SH2B3: variants seen among roughly 807,000 people sequenced by gnomAD.
SH2B3 encodes SH2B adaptor protein 3.
In SH2B3, 43 loss-of-function variants were observed where a neutral mutation model predicts 51.9. That is an observed-to-expected ratio of 0.83 (90% CI 0.65 to 1.07). SH2B3 has a LOEUF of 1.07. SH2B3 is among the 50% of genes least tolerant of loss of function. SH2B3 has a pLI of 0.00. For synonymous variants in SH2B3, 396 were observed against 376.0 expected (o/e 1.05, Z -0.62); for missense variants, 952 against 834.3 (o/e 1.14, Z -1.74).
intron 1 of SH2B3, among the ~76,000 whole-genome samples, chr12:111,415,717 G>A (rs1871033823): frequency 6.6e-6 from 1 of 150,450 alleles, no homozygotes; most frequent in African/African-American, 2.5e-5. Flanking sequence ...TGCCTCCCAG[G>A]TTCAAGTGAT....
chr12:111,410,009 G>A lies in SH2B3; in HGVS notation c.-28+3732G>A, dbSNP rs1201696728. On this transcript the variant is annotated intron_variant, in intron 1 of 7. Transcript: ENST00000341259. This position sits in a 1 kb window ranked among gnomAD's most constrained non-coding sequence, Gnocchi z 4.9. ...AGGGCCGGGCCACAGGCTTCCTTGT[G>A]AGCCAGGCCTGGAGCCCCTGGGGGC... Among the ~76,000 whole-genome samples the A allele has an allele frequency of 6.6e-6, 1 of 152,322 alleles. No individual in the cohort carries two copies. The highest frequency in any genetic ancestry group is 2.1e-4 in the South Asian group (1 of 4,828).
At chr12:111,405,260 A>G (rs115433678), upstream of SH2B3, among the ~76,000 whole-genome samples, 5,703 of 152,266 alleles carry the variant, frequency 0.037, 361 homozygotes, top group African/African-American at 0.13. This position sits in a 1 kb window ranked among gnomAD's most constrained non-coding sequence, Gnocchi z 5.4. Context: ...AGGCTGGGCT[A>G]TACGGGCACC....
At chr12:111,433,224 A>G (rs1872619009) in intron 2 of SH2B3, among the ~76,000 whole-genome samples, 1 of 152,064 alleles carries the variant, frequency 6.6e-6, no homozygotes, top group Non-Finnish European at 1.5e-5. Context: ...GGTGGTGGAT[A>G]CCTTTAATCC....
chr12:111,413,702 A>G (rs922805218), intron 1 of SH2B3, among the ~76,000 whole-genome samples: 1 of 152,264 alleles, frequency 6.6e-6, no homozygotes, highest in Non-Finnish European at 1.5e-5. Flanking sequence ...TGCAAATCCA[A>G]CTGATCTCTT....
At chr12:111,422,456 T>C (rs1312380341) in intron 2 of SH2B3, among the ~76,000 whole-genome samples, 11 of 152,224 alleles carry the variant, frequency 7.2e-5, no homozygotes, top group Non-Finnish European at 4.4e-5. Flanking sequence ...CTGTCTAGCC[T>C]TTTTTAAATT....
chr12:111,421,790 A>G (rs1275534127), intron 2 of SH2B3, among the ~76,000 whole-genome samples: 1 of 152,118 alleles, frequency 6.6e-6, no homozygotes, highest in Non-Finnish European at 1.5e-5. Flanking sequence ...GGTTTATCCC[A>G]TCCTCTGTTG....
intron 1 of SH2B3, among the ~76,000 whole-genome samples, chr12:111,416,683 G>C (rs1010713708): frequency 7.2e-5 from 11 of 151,984 alleles, no homozygotes; most frequent in Admixed American, 4.6e-4. Flanking sequence ...TAGTAGAGAT[G>C]GGGTTTCACC....
At chr12:111,427,626 G>A (rs1872121018) in intron 2 of SH2B3, among the ~76,000 whole-genome samples, 1 of 152,160 alleles carries the variant, frequency 6.6e-6, no homozygotes, top group African/African-American at 2.4e-5. Flanking sequence ...ATTTCAAATG[G>A]AGCATGCCCA....
rs766572059 is a variant in SH2B3, at chr12:111,407,548, G to A, written c.-28+1271G>A. On this transcript the variant is annotated intron_variant, in intron 1 of 7. Transcript: ENST00000341259. This position sits in a 1 kb window ranked among gnomAD's most constrained non-coding sequence, Gnocchi z 4.3. ...TGGAGGCTCCTCGGGACCTGCCCTC[G>A]TGGAGGGAGAGCCGTCAGAGGCCAC... Among the ~76,000 whole-genome samples the A allele has an allele frequency of 7.2e-5, 11 of 152,230 alleles. No homozygotes were observed. The highest frequency in any genetic ancestry group is 1.3e-4 in the Non-Finnish European group (9 of 68,032).
At chr12:111,436,094 G>C (rs1226847595) in intron 2 of SH2B3, among the ~76,000 whole-genome samples, 1 of 152,192 alleles carries the variant, frequency 6.6e-6, no homozygotes, top group Non-Finnish European at 1.5e-5. Flanking sequence ...GCCATGTGCT[G>C]GTCCGCTGGC....
Position 111,447,995 on chromosome 12 carries a change from C to A in SH2B3, c.1421C>A (p.Thr474Lys). The change falls in exon 8 of 8, where the codon ACG becomes AAG. Residue 474 changes from threonine (T) to lysine (K), a missense_variant. Thr to Lys is a moderately conservative substitution (Grantham distance 78, BLOSUM62 -1). Coordinates refer to ENST00000341259, the MANE Select transcript of SH2B3 (RefSeq NM_005475.3). ...VVSQPPGSCN[T>K]VLFPFSLPHW... ...TCACTTGTCCTAGGTTCCTGCAACA[C>A]GGTCCTCTTCCCTTTCTCCCTTCCT... 6.2e-7 allele frequency: 1 copy of A among 1,608,548 alleles called. No individual in the cohort carries two copies. Among genetic ancestry groups the A allele is most frequent in the South Asian group, 1.1e-5 (1 of 90,302 alleles).
chr12:111,434,136 T>C (rs1353481646), intron 2 of SH2B3, among the ~76,000 whole-genome samples: 2 of 152,252 alleles, frequency 1.3e-5, no homozygotes, highest in Non-Finnish European at 2.9e-5. Flanking sequence ...ATCCTAAGTG[T>C]GACCATTTCT....
At chr12:111,408,115 C>T (rs1398111379) in intron 1 of SH2B3, among the ~76,000 whole-genome samples, 1 of 152,202 alleles carries the variant, frequency 6.6e-6, no homozygotes, top group African/African-American at 2.4e-5. Flanking sequence ...CCTTGAGCAT[C>T]TCTTGCATAC....
chr12:111,434,309 C>T (rs1228626180), intron 2 of SH2B3, among the ~76,000 whole-genome samples: 1 of 152,176 alleles, frequency 6.6e-6, no homozygotes, highest in Non-Finnish European at 1.5e-5. Context: ...GCAGTCAGTC[C>T]CCAAACTCCC....
intron 2 of SH2B3, among the ~76,000 whole-genome samples, chr12:111,428,167 G>A (rs1407765896): frequency 1.3e-5 from 2 of 152,234 alleles, no homozygotes; most frequent in Non-Finnish European, 1.5e-5. Flanking sequence ...TGCCAACACC[G>A]AGGCCTGGAG....
chr12:111,418,336 C>A lies in SH2B3; in HGVS notation c.191C>A (p.Ser64Ter), dbSNP rs1871245947. ...GCGCCGCTGCGCGCCGAGCTGGTGT[C>A]GCTGCAGTTCACCGACCTCTTCCAG... ...QHAPLRAELV[S>*]LQFTDLFQRY... Residue 64 changes from serine to a stop codon, truncating the protein, a stop_gained, in exon 2 of 8, where the codon TCG becomes TAG. Coordinates refer to ENST00000341259, the MANE Select transcript of SH2B3 (RefSeq NM_005475.3). LOFTEE classifies it high-confidence loss of function. The surrounding 1 kb of genome is among the most constrained non-coding windows in gnomAD (Gnocchi z 6.7). The A allele has an allele frequency of 6.6e-7, 1 of 1,524,562 alleles. No individual in the cohort carries two copies. The highest frequency in any genetic ancestry group is 8.8e-7 in the Non-Finnish European group (1 of 1,141,656). 94.4% of individuals were successfully genotyped at this position (1,524,562 alleles called of 1,614,324 possible). A position where few individuals can be genotyped will look rare whatever the true frequency, so the allele number is the denominator to read the frequency against.
At chr12:111,431,378 C>T (rs200215944) in intron 2 of SH2B3, among the ~76,000 whole-genome samples, 1 of 152,130 alleles carries the variant, frequency 6.6e-6, no homozygotes, top group East Asian at 1.9e-4. Flanking sequence ...CTGGGTACCC[C>T]ATGTAATCTA....
chr12:111,446,422 C>T (rs1873959363), intron 2 of SH2B3, among the ~76,000 whole-genome samples: 1 of 152,254 alleles, frequency 6.6e-6, no homozygotes, highest in African/African-American at 2.4e-5. Context: ...CTGCTATCAC[C>T]TGGCTGGGCA....
Position 111,447,498 on chromosome 12 carries a change from G to C in SH2B3, c.1190G>C (p.Arg397Pro). ...TTCCTGGTGCGGCAGAGCGAGACGCGGCGTGGGGAATACGTGCTCACTTTC... is the reference window on the plus strand; with the variant it reads ...TTCCTGGTGCGGCAGAGCGAGACGCCGCGTGGGGAATACGTGCTCACTTTC... ...GVFLVRQSET[R>P]RGEYVLTFNF... Residue 397 changes from arginine to proline, a missense_variant, in exon 6 of 8, where the codon CGG becomes CCG. Physicochemically the swap from Arg to Pro is moderately radical, Grantham distance 103. Coordinates refer to ENST00000341259, the MANE Select transcript of SH2B3 (RefSeq NM_005475.3). The C allele has an allele frequency of 6.2e-7, 1 of 1,612,566 alleles. No homozygotes were observed. Among genetic ancestry groups the C allele is most frequent in the Non-Finnish European group, 8.5e-7 (1 of 1,179,790 alleles).
Sources: allele counts gnomAD v4.1 joint callset (sites outside exome capture counted in the v4.1 genomes callset), GRCh38; gene constraint gnomAD v4.1.1; non-coding constraint Gnocchi (gnomAD v3.1); transcripts MANE v1.5; gene names NCBI Gene and HGNC (gene_info 2026-07-23, HGNC 2026-07-21).